GOLGA8B: variants seen among roughly 807,000 people sequenced by gnomAD.
GOLGA8B encodes golgin A8 family member B.
GOLGA8B carries 1 observed loss-of-function variant against 15.6 expected under a neutral mutation model. The ratio of observed to expected loss-of-function variants is 0.06; its 90% CI spans 0.02 to 0.30. The LOEUF (loss-of-function observed/expected upper bound fraction) is 0.30, where lower values mean the gene tolerates loss of function less well. Among genes scored for constraint, GOLGA8B ranks in the 10% least tolerant of loss-of-function variants. The pLI is 1.00. For missense variants in GOLGA8B, 17 were observed against 201.3 expected (o/e 0.08, Z 5.54); for synonymous variants, 9 against 80.3 (o/e 0.11, Z 4.75).
At chr15:34,573,998 C>T (rs1234710895) in intron 1 of GOLGA8B, among the ~76,000 whole-genome samples, 1 of 151,808 alleles carries the variant, frequency 6.6e-6, no homozygotes, top group Non-Finnish European at 1.5e-5. Flanking sequence ...CATAAATAAG[C>T]CAGGGCTCTA....
chr15:34,555,316 T>A, intron 1 of GOLGA8B, among the ~76,000 whole-genome samples: 1 of 43,048 alleles, frequency 2.3e-5, no homozygotes, highest in South Asian at 1.0e-3. Flanking sequence ...CTCTCCCCCC[T>A]CCCCTCCCCA....
intron 1 of GOLGA8B, among the ~76,000 whole-genome samples, chr15:34,581,888 C>A (rs186349754): frequency 9.8e-5 from 15 of 152,302 alleles, no homozygotes; most frequent in African/African-American, 2.9e-4. Context: ...CCCAGCCCAG[C>A]CAGGGAGCCC....
chr15:34,577,555 CACACAGAT>C, intron 1 of GOLGA8B, among the ~76,000 whole-genome samples: 1 of 123,732 alleles, frequency 8.1e-6, no homozygotes, highest in Non-Finnish European at 1.8e-5. Flanking sequence ...CACACACACA[CACACAGAT>C]GCGTCACTTA....
chr15:34,571,770 CTAAG>C (rs1888920740), intron 1 of GOLGA8B, among the ~76,000 whole-genome samples: 1 of 152,136 alleles, frequency 6.6e-6, no homozygotes, highest in Non-Finnish European at 1.5e-5. Context: ...AACCCATTCT[CTAAG>C]TAAGATACAA....
chr15:34,580,582 G>A (rs1889201163), intron 1 of GOLGA8B, among the ~76,000 whole-genome samples: 1 of 152,252 alleles, frequency 6.6e-6, no homozygotes, highest in Middle Eastern at 3.4e-3. Context: ...ATTGGCTTCA[G>A]GAGAGGCGAG....
intron 1 of GOLGA8B, among the ~76,000 whole-genome samples, chr15:34,574,100 G>C (rs113812192): frequency 0.12 from 17,492 of 151,874 alleles, 1,619 homozygotes; most frequent in Admixed American, 0.27. Flanking sequence ...ATAACTAACA[G>C]TCTCTCACCA....
At chr15:34,533,293 CA>C in intron 10 of GOLGA8B, 1 of 102,226 alleles carries the variant, frequency 9.8e-6, no homozygotes, top group Non-Finnish European at 1.8e-5. Flanking sequence ...CCCTTTGTCC[CA>C]TAACTCCTTT....
At chr15:34,582,180 C>A (rs1161871215) in intron 1 of GOLGA8B, among the ~76,000 whole-genome samples, 1 of 152,154 alleles carries the variant, frequency 6.6e-6, no homozygotes, top group East Asian at 1.9e-4. Flanking sequence ...GTTCCTGTCC[C>A]CCTGCGTAGT....
In GOLGA8B at chr15:34,544,881, T is replaced by TG. The variant is rs1380922640; in HGVS notation, c.-406dup. The TG allele has an allele frequency of 5.1e-5, 5 of 98,442 alleles. No homozygotes were observed. The highest frequency in any genetic ancestry group is 1.0e-4 in the Non-Finnish European group (5 of 47,676). 6.1% of individuals were successfully genotyped at this position (98,442 alleles called of 1,614,324 possible). A position where few individuals can be genotyped will look rare whatever the true frequency, so the allele number is the denominator to read the frequency against. ...ACCTTCTTTGCTCCAAGCTGCACTC[T>TG]GGCTTTGCCTTTGAGTCACGTGGCA... On this transcript the variant is annotated 5_prime_UTR_variant, in exon 7 of 24. It removes the in-frame stop codon of an upstream open reading frame in the 5' UTR. Coordinates refer to ENST00000683415, the MANE Select transcript of GOLGA8B (RefSeq NM_001023567.5).
At chr15:34,574,164 G>C (rs1889001730) in intron 1 of GOLGA8B, among the ~76,000 whole-genome samples, 1 of 152,040 alleles carries the variant, frequency 6.6e-6, no homozygotes, top group Non-Finnish European at 1.5e-5. Flanking sequence ...TTCAGGTTTG[G>C]GAAATCAGTT....
rs1323042488 is a variant in GOLGA8B at position 34,564,930 on chromosome 15, T to C, written c.-1122-10974A>G. On this transcript the variant is annotated intron_variant, in intron 1 of 23. Coordinates refer to ENST00000683415, the MANE Select transcript of GOLGA8B (RefSeq NM_001023567.5). ...ATGGCACATTTGTGGTTAAGAAACGTCTTCCTTGCTTCCTTGTGGCCTTGA... is the reference window on the plus strand; with the variant it reads ...ATGGCACATTTGTGGTTAAGAAACGCCTTCCTTGCTTCCTTGTGGCCTTGA... Among the ~76,000 whole-genome samples, 2 of 143,620 alleles carry C rather than the reference T, an allele frequency of 1.4e-5. 1 individual carries two copies. The highest frequency in any genetic ancestry group is 3.2e-5 in the Non-Finnish European group (2 of 62,524). 94.2% of individuals were successfully genotyped at this position (143,620 alleles called of 152,430 possible). A position where few individuals can be genotyped will look rare whatever the true frequency, so the allele number is the denominator to read the frequency against.
Position 34,546,936 on chromosome 15 carries a change from G to A in GOLGA8B, c.-528C>T, listed in dbSNP as rs563758802. 2 of 101,702 alleles carry A rather than the reference G, an allele frequency of 2.0e-5. No individual in the cohort carries two copies. The highest frequency in any genetic ancestry group is 3.8e-4 in the South Asian group (1 of 2,650). The allele number at this position is 101,702 out of a possible 1,614,324, so 6.3% of individuals were successfully genotyped here. On this transcript the variant is annotated splice_region_variant and 5_prime_UTR_variant, in exon 5 of 24. Coordinates refer to ENST00000683415, the MANE Select transcript of GOLGA8B (RefSeq NM_001023567.5). Reference sequence around the variant, plus strand: ...TTAGCAAATTCAGGCAATACATACCGGATTCATACTTCAGGAAGACAACCC... The same window carrying A: ...TTAGCAAATTCAGGCAATACATACCAGATTCATACTTCAGGAAGACAACCC...
At chr15:34,571,803 G>A (rs552493054) in intron 1 of GOLGA8B, among the ~76,000 whole-genome samples, 1 of 152,134 alleles carries the variant, frequency 6.6e-6, no homozygotes, top group Admixed American at 6.5e-5. Flanking sequence ...AGTAATTAAA[G>A]CAAGCTTGAT....
At chr15:34,569,843 A>G (rs1888861198) in intron 1 of GOLGA8B, among the ~76,000 whole-genome samples, 1 of 151,384 alleles carries the variant, frequency 6.6e-6, no homozygotes, top group Admixed American at 6.6e-5. Flanking sequence ...GGTCAAGGCT[A>G]GAACATAAAT....
intron 1 of GOLGA8B, chr15:34,582,915 C>A (rs1362869446): frequency 1.3e-5 from 2 of 152,224 alleles, no homozygotes; most frequent in African/African-American, 4.8e-5. Context: ...AGGGGCAGGT[C>A]CGCGGCGTGC....
Position 34,578,582 on chromosome 15 carries a change from A to G in GOLGA8B, c.-1123+4934T>C, listed in dbSNP as rs572089399. On this transcript the variant is annotated intron_variant, in intron 1 of 23. Transcript: ENST00000683415. ...CTCTTAGGCAACCCATAGCTCAGCT[A>G]CCTGTCCCCAGCCTCCTCGTCGCGA... 5.9e-5 allele frequency among the ~76,000 whole-genome samples: 9 copies of G among 152,318 alleles called. No homozygotes were observed. In the East Asian group the frequency reaches 1.7e-3, roughly 29 times the overall value.
At chr15:34,554,472 C>G (rs1888438932) in intron 1 of GOLGA8B, among the ~76,000 whole-genome samples, 1 of 131,854 alleles carries the variant, frequency 7.6e-6, no homozygotes, top group Non-Finnish European at 1.6e-5. Flanking sequence ...TCACACACCA[C>G]AAACACTACA....
At chr15:34,570,358 C>T (rs1888880716) in intron 1 of GOLGA8B, among the ~76,000 whole-genome samples, 1 of 143,276 alleles carries the variant, frequency 7.0e-6, no homozygotes, top group African/African-American at 2.5e-5. Context: ...CTGGAGAAAC[C>T]ACTCCCTAAG....
intron 1 of GOLGA8B, among the ~76,000 whole-genome samples, chr15:34,578,057 C>T (rs772228255): frequency 2.0e-5 from 3 of 152,178 alleles, no homozygotes; most frequent in African/African-American, 4.8e-5. Flanking sequence ...CATGACAGTA[C>T]ATATGTATCT....
Sources: allele counts gnomAD v4.1 joint callset (sites outside exome capture counted in the v4.1 genomes callset), GRCh38; gene constraint gnomAD v4.1.1; transcripts MANE v1.5; gene names NCBI Gene and HGNC (gene_info 2026-07-23, HGNC 2026-07-21).